The following ALDH7A1 variants were observed in gnomAD, a reference collection of about 807,000 sequenced individuals.
The protein encoded by ALDH7A1 is alpha-aminoadipic semialdehyde dehydrogenase.
Under a neutral mutation model 79.9 loss-of-function variants are expected in ALDH7A1, and 63 were observed. The observed-to-expected ratio is 0.79, with a 90% CI of 0.64 to 0.97. ALDH7A1 has a LOEUF of 0.97. Among genes scored for constraint, ALDH7A1 ranks in the 50% least tolerant of loss-of-function variants. The pLI is 0.00. For synonymous variants in ALDH7A1, 240 were observed against 231.2 expected (o/e 1.04, Z -0.34); for missense variants, 627 against 665.2 (o/e 0.94, Z 0.63).
At chr5:126,577,352 G>A (rs889401848) in intron 5 of ALDH7A1, 141 bp from the exon 6 acceptor site, 1 of 1,045,268 alleles carries the variant, frequency 9.6e-7, no homozygotes, top group Non-Finnish European at 1.4e-6. Context: ...TGGGATATCA[G>A]TACATTAACT....
intron 7 of ALDH7A1, 27 bp from the exon 8 acceptor site, chr5:126,570,886 G>T: frequency 6.2e-7 from 1 of 1,605,518 alleles, no homozygotes; most frequent in Middle Eastern, 1.7e-4. Flanking sequence ...AATTACTGAG[G>T]CAATAATTTA....
chr5:126,595,179 G>C lies in ALDH7A1; in HGVS notation c.20C>G (p.Ala7Gly). ...GGTCTTTGCAGCGTGCACACACAGC[G>C]CGCGAGGAAGGCGCCACATACTGAG... MWRLPRALCVHAAKTSK... is the reference protein window; with the variant it reads MWRLPRGLCVHAAKTSK... Residue 7 changes from alanine (A) to glycine (G), a missense_variant, in exon 1 of 18, where the codon GCG (alanine) becomes GGG (glycine). Transcript: ENST00000409134. The C allele has an allele frequency of 6.4e-7, 1 of 1,552,706 alleles. No individual in the cohort carries two copies. The highest frequency in any genetic ancestry group is 1.2e-5 in the South Asian group (1 of 84,258).
chr5:126,545,602 A>G (rs1749758846), intron 17 of ALDH7A1, among the ~76,000 whole-genome samples: 2 of 149,116 alleles, frequency 1.3e-5, no homozygotes, highest in South Asian at 4.4e-4. Flanking sequence ...CCTGGCCAAC[A>G]TGGTGAAACC....
chr5:126,563,688 G>C (rs1300597321), intron 9 of ALDH7A1, among the ~76,000 whole-genome samples: 1 of 152,050 alleles, frequency 6.6e-6, no homozygotes, highest in Non-Finnish European at 1.5e-5. Flanking sequence ...ACGGGGTTTT[G>C]CCATATTGGC....
chr5:126,550,266 T>C lies in ALDH7A1; in HGVS notation c.1345A>G (p.Asn449Asp). The change falls in exon 15 of 18, where the codon AAT becomes GAT. Residue 449 changes from asparagine to aspartate, a missense_variant. Asn to Asp is a conservative substitution (Grantham distance 23). Coordinates refer to ENST00000409134, the MANE Select transcript of ALDH7A1 (RefSeq NM_001182.5). ...KNEEEVFAWNNEVKQGLSSSI... is the reference protein window; with the variant it reads ...KNEEEVFAWNDEVKQGLSSSI... Reference sequence around the variant, plus strand: ...CTTGAAAGTCCCTGTTTTACTTCATTATTCCATGCAAAGACCTCTTCTTCA... The same window carrying C: ...CTTGAAAGTCCCTGTTTTACTTCATCATTCCATGCAAAGACCTCTTCTTCA... 6.2e-7 allele frequency: 1 copy of C among 1,613,556 alleles called. No individual in the cohort carries two copies. Among genetic ancestry groups the C allele is most frequent in the Non-Finnish European group, 8.5e-7 (1 of 1,179,730 alleles).
chr5:126,592,629 C>G, intron 3 of ALDH7A1, 35 bp downstream of exon 3: 1 of 1,603,430 alleles, frequency 6.2e-7, no homozygotes. Flanking sequence ...GCAAAGTGAT[C>G]TTTTCTGAAT....
chr5:126,578,688 A>T lies in ALDH7A1; in HGVS notation c.518-1477T>A, dbSNP rs143014667. On this transcript the variant is annotated intron_variant, in intron 5 of 17. Coordinates refer to ENST00000409134, the MANE Select transcript of ALDH7A1 (RefSeq NM_001182.5). ...AAGAAAAGAAAAAACAAACAAAAAT[A>T]TTGTATTTTAAATACAAACTTACAA... 1.8e-3 allele frequency among the ~76,000 whole-genome samples: 275 copies of T among 152,126 alleles called. 1 individual carries two copies. Among genetic ancestry groups the T allele is most frequent in the African/African-American group, 6.4e-3 (264 of 41,526 alleles).
At chr5:126,579,005 T>C (rs62391530) in intron 5 of ALDH7A1, among the ~76,000 whole-genome samples, 11 of 128,002 alleles carry the variant, frequency 8.6e-5, no homozygotes, top group Non-Finnish European at 1.5e-4. Context: ...GGCCTGCCTC[T>C]TCCTGGCAGG....
intron 7 of ALDH7A1, chr5:126,571,112 A>C: frequency 5.5e-6 from 2 of 366,214 alleles, no homozygotes; most frequent in Non-Finnish European, 1.0e-5. Flanking sequence ...ATTTCTCCTC[A>C]CATATTGAAA....
At chr5:126,588,618 G>C (rs932719002) in intron 3 of ALDH7A1, 4 of 152,146 alleles carry the variant, frequency 2.6e-5, no homozygotes, top group African/African-American at 9.7e-5. Context: ...AGTTGCACTA[G>C]CATTCAAAAC....
Position 126,581,932 on chromosome 5 carries a change from C to T in ALDH7A1, c.517+919G>A, listed in dbSNP as rs186529565. 328 of 342,510 alleles carry T rather than the reference C, an allele frequency of 9.6e-4. 1 individual carries two copies. Among genetic ancestry groups the T allele is most frequent in the African/African-American group, 6.4e-3 (302 of 47,010 alleles). The allele number at this position is 342,510 out of a possible 1,614,324, so 21.2% of individuals were successfully genotyped here. On this transcript the variant is annotated intron_variant, in intron 5 of 17. Coordinates refer to ENST00000409134, the MANE Select transcript of ALDH7A1 (RefSeq NM_001182.5). Reference sequence around the variant, plus strand: ...GGTGGAGGTTGCAGTGAGCCAAGATCGCGCCACTGCACTCCAGCCTGGGCA... The same window carrying T: ...GGTGGAGGTTGCAGTGAGCCAAGATTGCGCCACTGCACTCCAGCCTGGGCA...
At chr5:126,568,009 T>A in intron 9 of ALDH7A1, 1 of 407,842 alleles carries the variant, frequency 2.5e-6, no homozygotes, top group Non-Finnish European at 4.6e-6. Context: ...GGTCTGGATC[T>A]CCTGACCTTG....
intron 5 of ALDH7A1, among the ~76,000 whole-genome samples, chr5:126,580,538 C>G (rs1751137718): frequency 6.6e-6 from 1 of 152,084 alleles, no homozygotes; most frequent in African/African-American, 2.4e-5. Context: ...TCCCCCAACT[C>G]TTTCTACAAG....
intron 1 of ALDH7A1, chr5:126,594,132 T>C (rs974448314): frequency 3.9e-5 from 18 of 457,046 alleles, no homozygotes; most frequent in African/African-American, 2.4e-4. Flanking sequence ...CTATAAAACA[T>C]TGTTTTGAGC....
At chr5:126,575,891 C>T (rs1233387945) in intron 6 of ALDH7A1, among the ~76,000 whole-genome samples, 1 of 152,164 alleles carries the variant, frequency 6.6e-6, no homozygotes, top group African/African-American at 2.4e-5. Context: ...CAACATGGGG[C>T]AGAACCCTGA....
At chr5:126,568,079 T>C in intron 9 of ALDH7A1, 180 bp downstream of exon 9, 1 of 608,424 alleles carries the variant, frequency 1.6e-6, no homozygotes, top group Non-Finnish European at 2.9e-6. Flanking sequence ...GGTATTTAAA[T>C]TTAGGACTTC....
chr5:126,585,646 C>T (rs1751335640), intron 3 of ALDH7A1, among the ~76,000 whole-genome samples: 1 of 152,228 alleles, frequency 6.6e-6, no homozygotes, highest in African/African-American at 2.4e-5. Context: ...AGTGCAACCT[C>T]TGCCTCCTGG....
intron 4 of ALDH7A1, 45 bp downstream of exon 4, chr5:126,583,887 A>C (rs1271131295): frequency 6.8e-7 from 1 of 1,463,200 alleles, no homozygotes; most frequent in Non-Finnish European, 9.6e-7. Context: ...TGACAGCCTT[A>C]TTGTCCACTC....
intron 7 of ALDH7A1, among the ~76,000 whole-genome samples, chr5:126,575,037 CTATT>C (rs1750918973): frequency 6.6e-6 from 1 of 152,160 alleles, no homozygotes; most frequent in African/African-American, 2.4e-5. Context: ...TGTTAACACT[CTATT>C]AAGCAAAAGC....
Sources: gnomAD v4.1 joint callset for allele counts (sites outside exome capture counted in the v4.1 genomes callset) on GRCh38, gnomAD v4.1.1 for gene constraint, MANE v1.5 for transcripts, NCBI Gene and HGNC (gene_info 2026-07-23, HGNC 2026-07-21) for gene names.